The following C1QTNF3 variants were observed in gnomAD, a reference collection of about 807,000 sequenced individuals.
C1QTNF3 encodes the protein complement C1q tumor necrosis factor-related protein 3.
C1QTNF3 carries 26 observed loss-of-function variants against 32.6 expected under a neutral mutation model. The ratio of observed to expected loss-of-function variants is 0.80; its 90% confidence interval spans 0.58 to 1.11. The LOEUF (loss-of-function observed/expected upper bound fraction) is 1.11. C1QTNF3 is among the 50% of genes least tolerant of loss of function. C1QTNF3 has a pLI of 0.00. For synonymous variants in C1QTNF3, 155 were observed against 146.0 expected (o/e 1.06, Z -0.44); for missense variants, 362 against 398.2 (o/e 0.91, Z 0.77).
At chr5:34,135,213 TTA>T in the C1QTNF3 span, among the ~76,000 whole-genome samples, 1 of 152,164 alleles carries the variant, frequency 6.6e-6, no homozygotes, top group African/African-American at 2.4e-5. Context: ...ATGTGATGGA[TTA>T]TGTTTATTGA....
At chr5:34,167,850 T>G in the C1QTNF3 span, 1 of 152,210 alleles carries the variant, frequency 6.6e-6, no homozygotes, top group Non-Finnish European at 1.5e-5. Context: ...ATGTTAACCT[T>G]GTTTCAGTTT....
chr5:34,116,692 T>C, the C1QTNF3 span, among the ~76,000 whole-genome samples: 3 of 151,540 alleles, frequency 2.0e-5, no homozygotes, highest in Admixed American at 2.0e-4. Context: ...TCTCCCAGGT[T>C]GAAGCGATTC....
chr5:34,030,420 C>G (rs1428998279), intron 3 of C1QTNF3, among the ~76,000 whole-genome samples: 1 of 152,174 alleles, frequency 6.6e-6, no homozygotes, highest in Non-Finnish European at 1.5e-5. Context: ...GTCCACCTCT[C>G]TTAATTCTGT....
chr5:34,052,201 T>C, the C1QTNF3 span, among the ~76,000 whole-genome samples: 1 of 152,244 alleles, frequency 6.6e-6, no homozygotes, highest in Non-Finnish European at 1.5e-5. Flanking sequence ...GCTTTCAGAA[T>C]TAATTTATTA....
the C1QTNF3 span, among the ~76,000 whole-genome samples, chr5:34,075,873 TATG>T: frequency 8.7e-6 from 1 of 114,692 alleles, no homozygotes; most frequent in Non-Finnish European, 1.9e-5. Flanking sequence ...GATAAACAAT[TATG>T]GTGTGTGTGT....
the C1QTNF3 span, among the ~76,000 whole-genome samples, chr5:34,070,539 A>G: frequency 3.7e-4 from 56 of 152,306 alleles, no homozygotes; most frequent in African/African-American, 1.1e-3. Context: ...AGTTTATGCC[A>G]TAAAAAGATT....
the C1QTNF3 span, among the ~76,000 whole-genome samples, chr5:34,095,850 TTG>T: frequency 6.6e-6 from 1 of 150,854 alleles, no homozygotes; most frequent in Non-Finnish European, 1.5e-5. Context: ...GGAAGGTTAA[TTG>T]TGCCTGTCCA....
At chr5:34,078,481 G>A in the C1QTNF3 span, among the ~76,000 whole-genome samples, 1 of 151,796 alleles carries the variant, frequency 6.6e-6, no homozygotes, top group Non-Finnish European at 1.5e-5. This position sits in a 1 kb window ranked among gnomAD's most constrained non-coding sequence, Gnocchi z 4.0. Flanking sequence ...GAGAACAGGA[G>A]AAACTGCCAC....
the C1QTNF3 span, among the ~76,000 whole-genome samples, chr5:34,240,714 TACTGAA>T: frequency 6.6e-6 from 1 of 152,210 alleles, no homozygotes; most frequent in Admixed American, 6.5e-5. Flanking sequence ...ACTACAATTC[TACTGAA>T]ACTATTCCAG....
At chr5:34,219,327 G>C in the C1QTNF3 span, among the ~76,000 whole-genome samples, 2 of 151,522 alleles carry the variant, frequency 1.3e-5, no homozygotes, top group African/African-American at 2.4e-5. Context: ...GTCACCTCTT[G>C]TCTCTTTGTA....
the C1QTNF3 span, chr5:34,164,843 C>G: frequency 6.6e-6 from 1 of 151,356 alleles, no homozygotes; most frequent in Non-Finnish European, 1.5e-5. Context: ...CACACACACA[C>G]GAAAAGCCTG....
At chr5:34,046,884 CAG>C (rs550564990), upstream of C1QTNF3, among the ~76,000 whole-genome samples, 83 of 152,230 alleles carry the variant, frequency 5.5e-4, no homozygotes, top group Non-Finnish European at 1.1e-3. Context: ...AAAACTGGGC[CAG>C]AGAGAAGAGT....
At chr5:34,212,475 G>T in the C1QTNF3 span, among the ~76,000 whole-genome samples, 1 of 151,796 alleles carries the variant, frequency 6.6e-6, no homozygotes, top group African/African-American at 2.4e-5. Context: ...GCAACCTACA[G>T]AATGGGAGAA....
chr5:34,146,224 G>A, the C1QTNF3 span, among the ~76,000 whole-genome samples: 1 of 152,186 alleles, frequency 6.6e-6, no homozygotes, highest in East Asian at 1.9e-4. Context: ...AAATGGAAAA[G>A]CATTACATGC....
Position 34,042,944 on chromosome 5 carries a change from C to T in C1QTNF3, c.182G>A (p.Ser61Asn). The change falls in exon 1 of 6, where the codon AGC becomes AAC. Residue 61 changes from serine to asparagine, a missense_variant. Transcript: ENST00000382065. Reference protein sequence around the residue: ...GSRREKVRERSHPKTGTVDNN... With the variant: ...GSRREKVRERNHPKTGTVDNN... ...ATCCACAGTCCCAGTTTTAGGATGG[C>T]TCCGCTCTCTCACTTTCTCCCTCCT... 1 of 1,614,196 alleles carries T rather than the reference C, an allele frequency of 6.2e-7. No individual in the cohort carries two copies. The highest frequency in any genetic ancestry group is 8.5e-7 in the Non-Finnish European group (1 of 1,180,036).
At chr5:34,237,289 C>T in the C1QTNF3 span, among the ~76,000 whole-genome samples, 3 of 152,182 alleles carry the variant, frequency 2.0e-5, no homozygotes, top group African/African-American at 7.2e-5. Flanking sequence ...GTAACACCCT[C>T]CTTGAGCACT....
chr5:34,210,877 T>A, the C1QTNF3 span, among the ~76,000 whole-genome samples: 1 of 152,242 alleles, frequency 6.6e-6, no homozygotes, highest in South Asian at 2.1e-4. Context: ...TGTATAACAA[T>A]ATACATTTTT....
chr5:34,075,200 G>C, the C1QTNF3 span, among the ~76,000 whole-genome samples: 9 of 151,628 alleles, frequency 5.9e-5, no homozygotes, highest in Non-Finnish European at 1.2e-4. Flanking sequence ...GATATGCATG[G>C]ATGAAAAAAT....
chr5:34,040,401 A>G (rs1754839812), intron 1 of C1QTNF3, among the ~76,000 whole-genome samples: 1 of 152,110 alleles, frequency 6.6e-6, no homozygotes, highest in Admixed American at 6.5e-5. Context: ...CTGCCCCAAA[A>G]AAAGGGAAAA....
Sources: gnomAD v4.1 joint callset for allele counts (sites outside exome capture counted in the v4.1 genomes callset) on GRCh38, gnomAD v4.1.1 for gene constraint, Gnocchi (gnomAD v3.1) non-coding constraint, MANE v1.5 for transcripts, NCBI Gene and HGNC (gene_info 2026-07-23, HGNC 2026-07-21) for gene names.